Variants in DOC2B observed in about 807,000 individuals in gnomAD.
The protein encoded by DOC2B is double C2 domain beta, also known as double C2-like domain-containing protein beta.
DOC2B carries 21 observed loss-of-function variants against 28.9 expected under a neutral mutation model. The observed-to-expected ratio is 0.73, with a 90% confidence interval of 0.52 to 1.05. DOC2B has a LOEUF of 1.05. DOC2B is among the 50% of genes least tolerant of loss of function. The pLI is 0.00. For synonymous variants in DOC2B, 194 were observed against 178.1 expected (o/e 1.09, Z -0.71); for missense variants, 384 against 421.1 (o/e 0.91, Z 0.77).
intron 5 of DOC2B, among the ~76,000 whole-genome samples, chr17:156,882 TC>T (rs2040142125): frequency 6.6e-6 from 1 of 152,200 alleles, no homozygotes. Context: ...CCCAGCTGGT[TC>T]TTACTTTTTG....
intron 1 of DOC2B, among the ~76,000 whole-genome samples, chr17:173,399 G>T (rs2040335045): frequency 6.6e-6 from 1 of 152,210 alleles, no homozygotes; most frequent in Admixed American, 6.5e-5. Context: ...CTTAGTGGCA[G>T]TCCGCAGACA....
intron 1 of DOC2B, among the ~76,000 whole-genome samples, chr17:176,878 C>T (rs2040375940): frequency 1.3e-5 from 2 of 152,128 alleles, no homozygotes; most frequent in Admixed American, 6.5e-5. Flanking sequence ...TTTAATGGGG[C>T]TAATTCAGAG....
chr17:156,131 C>T, intron 6 of DOC2B, 89 bp downstream of exon 6: 2 of 1,419,844 alleles, frequency 1.4e-6, no homozygotes, highest in South Asian at 1.4e-5. Flanking sequence ...TCCCTGGGTG[C>T]CTGCCACCTG....
Position 154,633 on chromosome 17 carries a change from G to A in DOC2B, c.923+1587C>T, listed in dbSNP as rs139430516. ...TTATCTCTTGGGTATATAACAAGGA[G>A]TGGAATTGCCAGATCAAATGGTGAT... On this transcript the variant is annotated intron_variant, in intron 6 of 8. Coordinates refer to ENST00000613549, the MANE Select transcript of DOC2B (RefSeq NM_003585.5). Among the ~76,000 whole-genome samples the A allele has an allele frequency of 1.0e-3, 156 of 152,342 alleles. 1 individual carries two copies. The highest frequency in any genetic ancestry group is 3.5e-3 in the African/African-American group (144 of 41,568).
At chr17:159,840 G>A (rs1033652681) in intron 5 of DOC2B, among the ~76,000 whole-genome samples, 6 of 151,788 alleles carry the variant, frequency 4.0e-5, no homozygotes, top group Admixed American at 2.0e-4. Context: ...ACACAGACAC[G>A]TACTGACATA....
At position 147,420 on chromosome 17, in the gene DOC2B, G is replaced by A. The variant is rs920381367; in HGVS notation, c.*21C>T. The A allele has an allele frequency of 2.5e-6, 1 of 398,940 alleles. No homozygotes were observed. Among genetic ancestry groups the A allele is most frequent in the Admixed American group, 4.4e-5 (1 of 22,744 alleles). 24.7% of individuals were successfully genotyped at this position (398,940 alleles called of 1,614,324 possible). A position where few individuals can be genotyped will look rare whatever the true frequency, so the allele number is the denominator to read the frequency against. The stretch of plus-strand genomic sequence containing the variant: ...CGTGCTGGGCGCAGGTGGCGGCAGG[G>A]GTAGCAGTGGCGGGTGGGCGTCAGT... On this transcript the variant is annotated 3_prime_UTR_variant, in exon 9 of 9. Transcript: ENST00000613549.
At chr17:159,978 C>CT (rs112120859) in intron 5 of DOC2B, among the ~76,000 whole-genome samples, 3,189 of 135,230 alleles carry the variant, frequency 0.024, 96 homozygotes, top group African/African-American at 0.075. Flanking sequence ...GCTGGTGTTG[C>CT]TTTTTTTTTT....
intron 1 of DOC2B, among the ~76,000 whole-genome samples, chr17:173,553 G>T (rs2040336130): frequency 6.6e-6 from 1 of 152,224 alleles, no homozygotes; most frequent in African/African-American, 2.4e-5. Flanking sequence ...CTGTGAGGCA[G>T]AGTCCCTATC....
rs1277256482 is a variant in DOC2B, at chr17:180,841, ACCCGG to A, written c.373+261_373+265del. ...GGGGGCGCGGCGCCGGCTCCGAGGA[ACCCGG>A]CCCCGGAAATGGGACACCCCCAGGG... is the stretch of plus-strand genomic sequence containing the variant. On this transcript the variant is annotated intron_variant, in intron 1 of 8. Transcript: ENST00000613549. Among the ~76,000 whole-genome samples the A allele has an allele frequency of 2.6e-5, 4 of 151,564 alleles. No homozygotes were observed. The East Asian group carries it at 7.9e-4, about 30-fold the overall frequency.
Position 152,670 on chromosome 17 carries a change from G to T in DOC2B, c.924-3478C>A, listed in dbSNP as rs143389862. On this transcript the variant is annotated intron_variant, in intron 6 of 8. Transcript: ENST00000613549. ...ACCTGTAGTCCCAGCTACTCAGGAG[G>T]CTGAGGGGGAAGGACTGCTTGAGCC... Among the ~76,000 whole-genome samples, 156 of 152,288 alleles carry T rather than the reference G, an allele frequency of 1.0e-3. 1 individual carries two copies. The highest frequency in any genetic ancestry group is 3.5e-3 in the African/African-American group (144 of 41,548).
In DOC2B at chr17:155,576, C is replaced by G. The variant is rs562473869; in HGVS notation, c.923+644G>C. Among the ~76,000 whole-genome samples the G allele has an allele frequency of 1.4e-3, 216 of 152,266 alleles. 1 individual carries two copies. The highest frequency in any genetic ancestry group is 4.9e-3 in the African/African-American group (205 of 41,528). On this transcript the variant is annotated intron_variant, in intron 6 of 8. Coordinates refer to ENST00000613549, the MANE Select transcript of DOC2B (RefSeq NM_003585.5). Reference sequence around the variant, plus strand: ...TACCTACCTAGTTTCTGAAGAGCCCCGAGCACTGACGGTAGTCACTGTGGC... The same window carrying G: ...TACCTACCTAGTTTCTGAAGAGCCCGGAGCACTGACGGTAGTCACTGTGGC...
chr17:181,315 G>A lies in DOC2B; in HGVS notation c.165C>T (p.Pro55=). 8.6e-7 allele frequency: 1 copy of A among 1,168,634 alleles called. No individual in the cohort carries two copies. The highest frequency in any genetic ancestry group is 1.6e-5 in the African/African-American group (1 of 61,616). 72.4% of individuals were successfully genotyped at this position (1,168,634 alleles called of 1,614,324 possible). A position where few individuals can be genotyped will look rare whatever the true frequency, so the allele number is the denominator to read the frequency against. ...PPDAGPRAAA[P]PDAPARPAVA... is the part of the protein sequence containing the mutation. Reference sequence around the variant, plus strand: ...CAGCCGGGCGCGCGGGGGCGTCCGGGGGTGCAGCGGCTCGGGGCCCGGCGT... The same window carrying A: ...CAGCCGGGCGCGCGGGGGCGTCCGGAGGTGCAGCGGCTCGGGGCCCGGCGT... Residue 55 remains proline, a synonymous_variant, in exon 1 of 9, where the codon CCC becomes CCT. Transcript: ENST00000613549. This position sits in a 1 kb window ranked among gnomAD's most constrained non-coding sequence, Gnocchi z 7.0.
At chr17:150,560 G>A (rs1555521716) in intron 6 of DOC2B, among the ~76,000 whole-genome samples, 1 of 152,206 alleles carries the variant, frequency 6.6e-6, no homozygotes, top group African/African-American at 2.4e-5. Flanking sequence ...GCTGGTTTGA[G>A]AGGCAGAAAA....
intron 5 of DOC2B, among the ~76,000 whole-genome samples, 177 bp from the exon 6 acceptor site, chr17:156,554 G>A (rs1236225389): frequency 6.6e-6 from 1 of 152,150 alleles, no homozygotes; most frequent in African/African-American, 2.4e-5. Context: ...CCTCCCAAGG[G>A]CTCTTCCAGG....
At chr17:170,587 C>T (rs1349990486) in intron 2 of DOC2B, among the ~76,000 whole-genome samples, 1 of 152,286 alleles carries the variant, frequency 6.6e-6, no homozygotes, top group East Asian at 1.9e-4. Context: ...CAGGCCCTTA[C>T]ATGGCACTAC....
intron 3 of DOC2B, 63 bp from the exon 4 acceptor site, chr17:162,253 C>G (rs984262372): frequency 1.4e-5 from 17 of 1,208,442 alleles, no homozygotes; most frequent in Non-Finnish European, 2.0e-5. Context: ...CAATGGCCCC[C>G]AGAGATGGCC....
chr17:162,488 C>T (rs1013293014), intron 3 of DOC2B, among the ~76,000 whole-genome samples: 2 of 152,150 alleles, frequency 1.3e-5, no homozygotes, highest in African/African-American at 2.4e-5. Context: ...CAATGGGGCC[C>T]GCTGTGAAGG....
At chr17:177,476 C>T (rs144037653) in intron 1 of DOC2B, among the ~76,000 whole-genome samples, 4 of 152,296 alleles carry the variant, frequency 2.6e-5, no homozygotes, top group Admixed American at 6.5e-5. Context: ...TGTCCCTCTG[C>T]GAAGAGCACC....
chr17:179,606 C>G (rs1294911662), intron 1 of DOC2B, among the ~76,000 whole-genome samples: 3 of 152,176 alleles, frequency 2.0e-5, no homozygotes, highest in Non-Finnish European at 4.4e-5. Flanking sequence ...GGGTCCCACT[C>G]AGGGCCCACC....
Sources: gnomAD v4.1 joint callset for allele counts (sites outside exome capture counted in the v4.1 genomes callset) on GRCh38, gnomAD v4.1.1 for gene constraint, Gnocchi (gnomAD v3.1) non-coding constraint, MANE v1.5 for transcripts, NCBI Gene and HGNC (gene_info 2026-07-23, HGNC 2026-07-21) for gene names.